EMB: variants seen among roughly 807,000 people sequenced by gnomAD.
EMB encodes the protein embigin, also known as embigin homolog.
A neutral mutation model predicts 41.4 loss-of-function variants in EMB; 31 were observed. That is an observed-to-expected ratio of 0.75 (90% confidence interval 0.56 to 1.01). The LOEUF (loss-of-function observed/expected upper bound fraction) is 1.01. Ranked by LOEUF, EMB falls within the 50% of genes least tolerant of loss-of-function variation. The pLI is 0.00. For missense variants in EMB, 379 were observed against 388.3 expected (o/e 0.98, Z 0.20); for synonymous variants, 137 against 140.4 (o/e 0.98, Z 0.17).
chr5:50,422,121 A>C (rs1230624254), intron 2 of EMB, among the ~76,000 whole-genome samples: 1 of 152,132 alleles, frequency 6.6e-6, no homozygotes. Context: ...ATAAAAAGAT[A>C]TGTTTTTAAA....
intron 1 of EMB, 75 bp downstream of exon 1, chr5:50,440,965 A>C: frequency 9.3e-7 from 1 of 1,070,396 alleles, no homozygotes; most frequent in Non-Finnish European, 1.2e-6. Context: ...CGCGCCGGCG[A>C]TGCCCTCTGC....
At chr5:50,415,050 G>A (rs1226084682) in intron 2 of EMB, among the ~76,000 whole-genome samples, 1 of 152,000 alleles carries the variant, frequency 6.6e-6, no homozygotes, top group Non-Finnish European at 1.5e-5. Context: ...TCTAAATCTG[G>A]ATATCCCATG....
chr5:50,434,716 C>A (rs1345808352), intron 1 of EMB, among the ~76,000 whole-genome samples: 1 of 152,036 alleles, frequency 6.6e-6, no homozygotes, highest in Non-Finnish European at 1.5e-5. Flanking sequence ...TCAAAAATGC[C>A]AGGAAAATGC....
At chr5:50,434,594 G>C (rs62365902) in intron 1 of EMB, among the ~76,000 whole-genome samples, 60,137 of 152,012 alleles carry the variant, frequency 0.4, 12,429 homozygotes, top group African/African-American at 0.51. Flanking sequence ...CAAGATCAAT[G>C]AAACAAGGTA....
In EMB at chr5:50,429,879, C is replaced by T. The variant is rs539382476; in HGVS notation, c.113-1652G>A. On this transcript the variant is annotated intron_variant, in intron 1 of 8. Coordinates refer to ENST00000303221, the MANE Select transcript of EMB (RefSeq NM_198449.3). ...CATTCATATTTGTACCCATATTCTC[C>T]CATTCTCCCTCTCCTCCCATCACCC... Among the ~76,000 whole-genome samples the T allele has an allele frequency of 4.6e-5, 7 of 151,626 alleles. No homozygotes were observed. The East Asian group carries it at 1.4e-3, about 29-fold the overall frequency.
At chr5:50,436,489 A>T (rs904610652) in intron 1 of EMB, among the ~76,000 whole-genome samples, 14 of 152,110 alleles carry the variant, frequency 9.2e-5, no homozygotes, top group African/African-American at 3.1e-4. Flanking sequence ...ATGTCTCCTT[A>T]CCCACTCAGG....
intron 7 of EMB, among the ~76,000 whole-genome samples, chr5:50,400,166 G>C (rs1745138074): frequency 6.6e-6 from 1 of 152,138 alleles, no homozygotes; most frequent in East Asian, 1.9e-4. Flanking sequence ...CCCCAAGCAT[G>C]AGTGAGGACT....
At chr5:50,426,447 GC>G (rs1464744421) in intron 2 of EMB, among the ~76,000 whole-genome samples, 5 of 152,146 alleles carry the variant, frequency 3.3e-5, no homozygotes, top group Non-Finnish European at 5.9e-5. Flanking sequence ...TGAATCAAAA[GC>G]CATGTTTTCA....
chr5:50,419,382 A>G (rs1745479029), intron 2 of EMB, among the ~76,000 whole-genome samples: 2 of 152,202 alleles, frequency 1.3e-5, no homozygotes, highest in Admixed American at 1.3e-4. Context: ...GGAAGAAAGG[A>G]ACAGCAAATG....
At chr5:50,416,885 A>G (rs1745438387) in intron 2 of EMB, among the ~76,000 whole-genome samples, 1 of 152,118 alleles carries the variant, frequency 6.6e-6, no homozygotes, top group African/African-American at 2.4e-5. Flanking sequence ...CCCAGAAGTT[A>G]CCTTCTGTTT....
chr5:50,438,384 T>C (rs1167383122), intron 1 of EMB, among the ~76,000 whole-genome samples: 1 of 152,142 alleles, frequency 6.6e-6, no homozygotes, highest in Non-Finnish European at 1.5e-5. Context: ...TTCTCAGAAC[T>C]GCAATACTCT....
chr5:50,411,364 T>C lies in EMB; in HGVS notation c.216A>G (p.Val72=). The part of the protein sequence containing the change: ...ISLTEHSSMP[V]EKNITLERPS... Reference sequence around the variant, plus strand: ...GCCTTTCTAAAGTGATATTTTTTTCTACTGGCATACTAGAATGTTCTATTA... The same window carrying C: ...GCCTTTCTAAAGTGATATTTTTTTCCACTGGCATACTAGAATGTTCTATTA... Residue 72 remains valine, a synonymous_variant, in exon 3 of 9, where the codon GTA becomes GTG. Coordinates refer to ENST00000303221, the MANE Select transcript of EMB (RefSeq NM_198449.3). 1 of 1,603,308 alleles carries C rather than the reference T, an allele frequency of 6.2e-7. No individual in the cohort carries two copies. The highest frequency in any genetic ancestry group is 1.3e-5 in the African/African-American group (1 of 74,768).
chr5:50,428,475 T>A (rs565354513), intron 1 of EMB: 3 of 1,126,324 alleles, frequency 2.7e-6, no homozygotes, highest in South Asian at 3.9e-5. Context: ...TGGCTTTTTT[T>A]AAATAACGCC....
chr5:50,429,113 C>T (rs893094578), intron 1 of EMB, among the ~76,000 whole-genome samples: 1 of 152,160 alleles, frequency 6.6e-6, no homozygotes, highest in Admixed American at 6.5e-5. Flanking sequence ...CCAGGATGGT[C>T]TCAATCTCTT....
At chr5:50,404,604 C>T (rs1317514799) in intron 5 of EMB, among the ~76,000 whole-genome samples, 5 of 151,892 alleles carry the variant, frequency 3.3e-5, no homozygotes, top group Non-Finnish European at 5.9e-5. Flanking sequence ...TAGATGAAGG[C>T]TAATGTTTTT....
chr5:50,426,096 T>C (rs1009617610), intron 2 of EMB, among the ~76,000 whole-genome samples: 3 of 152,230 alleles, frequency 2.0e-5, no homozygotes, highest in Non-Finnish European at 2.9e-5. Flanking sequence ...TAAAAATAAA[T>C]ATACTTGATT....
chr5:50,435,768 ATTGAT>A (rs1207339215), intron 1 of EMB, among the ~76,000 whole-genome samples: 1 of 152,128 alleles, frequency 6.6e-6, no homozygotes, highest in African/African-American at 2.4e-5. Context: ...CAAAGTTTTC[ATTGAT>A]TTATTTTTTA....
chr5:50,433,400 G>T (rs1745756039), intron 1 of EMB, among the ~76,000 whole-genome samples: 1 of 152,108 alleles, frequency 6.6e-6, no homozygotes, highest in Non-Finnish European at 1.5e-5. Context: ...TAAAAATTCT[G>T]TTTCAAATCA....
intron 6 of EMB, among the ~76,000 whole-genome samples, chr5:50,402,717 G>A (rs1037204185): frequency 1.3e-5 from 2 of 151,728 alleles, no homozygotes; most frequent in South Asian, 2.1e-4. Flanking sequence ...TCTTTAATGA[G>A]AACTCTGGAA....
Sources: gnomAD v4.1 joint callset for allele counts (sites outside exome capture counted in the v4.1 genomes callset) on GRCh38, gnomAD v4.1.1 for gene constraint, MANE v1.5 for transcripts, NCBI Gene and HGNC (gene_info 2026-07-23, HGNC 2026-07-21) for gene names.